The following MATCAP2 variants were observed in gnomAD, a reference collection of about 807,000 sequenced individuals.
MATCAP2 encodes the protein putative tyrosine carboxypeptidase MATCAP2.
chr7:36,356,150 A>C, the MATCAP2 span: 1 of 152,190 alleles, frequency 6.6e-6, no homozygotes, highest in Non-Finnish European at 1.5e-5. Flanking sequence ...TACTTACCGG[A>C]GCCTAAGCAA....
At chr7:36,366,871 G>A in the MATCAP2 span, 2 of 1,491,994 alleles carry the variant, frequency 1.3e-6, no homozygotes, top group South Asian at 1.3e-5. Context: ...CGGGACCCCG[G>A]TCCGCCCCGC....
chr7:36,376,091 C>T, the MATCAP2 span, among the ~76,000 whole-genome samples: 1 of 152,180 alleles, frequency 6.6e-6, no homozygotes, highest in African/African-American at 2.4e-5. Context: ...CTATCTCCTT[C>T]AGTTCTGCTC....
At chr7:36,331,095 T>G in the MATCAP2 span, 8 of 1,505,148 alleles carry the variant, frequency 5.3e-6, no homozygotes, top group South Asian at 5.7e-5. Context: ...GGAACCAGAA[T>G]AGTGTTTACT....
the MATCAP2 span, among the ~76,000 whole-genome samples, chr7:36,364,436 T>C: frequency 6.6e-6 from 1 of 152,158 alleles, no homozygotes; most frequent in Non-Finnish European, 1.5e-5. Flanking sequence ...AAAAACCTTT[T>C]CTGATTTGAT....
the MATCAP2 span, among the ~76,000 whole-genome samples, chr7:36,374,778 A>C: frequency 2.0e-5 from 3 of 152,198 alleles, no homozygotes; most frequent in African/African-American, 7.2e-5. Context: ...TATAAGTGAG[A>C]ACATGCGGTG....
At chr7:36,337,146 ATC>A in the MATCAP2 span, among the ~76,000 whole-genome samples, 1 of 145,012 alleles carries the variant, frequency 6.9e-6, no homozygotes, top group Non-Finnish European at 1.5e-5. Flanking sequence ...TTCTGCAACA[ATC>A]TATCTATTTT....
chr7:36,371,437 T>G, the MATCAP2 span, among the ~76,000 whole-genome samples: 9 of 152,348 alleles, frequency 5.9e-5, no homozygotes, highest in Admixed American at 5.2e-4. Flanking sequence ...GTTTAACTAC[T>G]CATGTTAATC....
chr7:36,333,776 G>C, the MATCAP2 span: 1 of 1,185,770 alleles, frequency 8.4e-7, no homozygotes, highest in Non-Finnish European at 1.2e-6. Flanking sequence ...TGAATTTTGT[G>C]ATTCAGGGAT....
At chr7:36,326,921 GA>G in the MATCAP2 span, 4 of 1,589,310 alleles carry the variant, frequency 2.5e-6, no homozygotes, top group East Asian at 6.7e-5. Flanking sequence ...TAAGAAACCT[GA>G]AAAAAAGGAA....
the MATCAP2 span, chr7:36,389,689 G>C: frequency 8.8e-3 from 2,258 of 258,046 alleles, 14 homozygotes; most frequent in Non-Finnish European, 0.012. Context: ...CCTCCACCCC[G>C]CGGCGAGGGC....
At chr7:36,366,956 CG>C in the MATCAP2 span, 1 of 1,351,038 alleles carries the variant, frequency 7.4e-7, no homozygotes, top group Non-Finnish European at 9.4e-7. Flanking sequence ...CCCCGAGGCC[CG>C]GGGCGGCGGG....
the MATCAP2 span, among the ~76,000 whole-genome samples, chr7:36,377,822 ACTTCT>A: frequency 6.6e-6 from 1 of 151,792 alleles, no homozygotes; most frequent in African/African-American, 2.4e-5. Context: ...TTTTCTCTAA[ACTTCT>A]CTTCTCACTT....
At chr7:36,355,873 T>TG in the MATCAP2 span, 1 of 152,196 alleles carries the variant, frequency 6.6e-6, no homozygotes, top group Non-Finnish European at 1.5e-5. Context: ...AGATAAACAT[T>TG]AGCTAATTTC....
chr7:36,357,388 G>A, the MATCAP2 span: 7 of 1,614,098 alleles, frequency 4.3e-6, no homozygotes, highest in Non-Finnish European at 4.2e-6. Flanking sequence ...AGTAGGTGGA[G>A]GAAGACTGTT....
At chr7:36,357,863 G>A in the MATCAP2 span, among the ~76,000 whole-genome samples, 2 of 152,122 alleles carry the variant, frequency 1.3e-5, no homozygotes, top group African/African-American at 4.8e-5. Flanking sequence ...TAATATGTGA[G>A]ATAATATACA....
At chr7:36,359,238 T>C in the MATCAP2 span, among the ~76,000 whole-genome samples, 2 of 152,222 alleles carry the variant, frequency 1.3e-5, no homozygotes, top group African/African-American at 2.4e-5. Flanking sequence ...ACATTTTGGT[T>C]GTCACAACTG....
At chr7:36,350,608 C>T in the MATCAP2 span, among the ~76,000 whole-genome samples, 1 of 150,194 alleles carries the variant, frequency 6.7e-6, no homozygotes, top group Non-Finnish European at 1.5e-5. Flanking sequence ...GATCTTGGCT[C>T]ACCGCAACCT....
chr7:36,343,860 A>G, the MATCAP2 span, among the ~76,000 whole-genome samples: 1 of 152,108 alleles, frequency 6.6e-6, no homozygotes, highest in Non-Finnish European at 1.5e-5. Flanking sequence ...GAAAACTAAA[A>G]TAAATGGTTC....
the MATCAP2 span, among the ~76,000 whole-genome samples, chr7:36,374,874 G>T: frequency 6.6e-6 from 1 of 152,138 alleles, no homozygotes; most frequent in African/African-American, 2.4e-5. Flanking sequence ...GAACTCATCC[G>T]TTTTTATGGC....
Sources: gnomAD v4.1 joint callset for allele counts (sites outside exome capture counted in the v4.1 genomes callset) on GRCh38, gnomAD v4.1.1 for gene constraint, MANE v1.5 for transcripts, NCBI Gene and HGNC (gene_info 2026-07-23, HGNC 2026-07-21) for gene names.